CADPS2: variants seen among roughly 807,000 people sequenced by gnomAD.
The protein encoded by CADPS2 is calcium-dependent secretion activator 2.
In CADPS2, 93 loss-of-function variants were observed where a neutral mutation model predicts 172.5. The observed-to-expected ratio is 0.54, with a 90% confidence interval of 0.46 to 0.64. CADPS2 has a LOEUF of 0.64. Among genes scored for constraint, CADPS2 ranks in the 30% least tolerant of loss-of-function variants. The pLI is 0.00. For synonymous variants in CADPS2, 546 were observed against 555.2 expected (o/e 0.98, Z 0.23); for missense variants, 1,420 against 1,565.9 (o/e 0.91, Z 1.57).
chr7:122,702,396 C>T (rs767562946), intron 2 of CADPS2: 4 of 1,613,672 alleles, frequency 2.5e-6, no homozygotes, highest in Admixed American at 3.3e-5. Flanking sequence ...TTCTCTGCTG[C>T]CACGTTGATT....
At chr7:122,399,857 T>C in intron 20 of CADPS2, among the ~76,000 whole-genome samples, 1 of 150,464 alleles carries the variant, frequency 6.6e-6, no homozygotes, top group Non-Finnish European at 1.5e-5. Flanking sequence ...CGGCTAACTT[T>C]TTGTATTTTT....
chr7:122,566,714 T>C (rs1365713765), intron 7 of CADPS2, among the ~76,000 whole-genome samples: 3 of 152,212 alleles, frequency 2.0e-5, no homozygotes, highest in Admixed American at 6.5e-5. Context: ...ATCCAAATTG[T>C]ACATTATTCT....
intron 2 of CADPS2, among the ~76,000 whole-genome samples, chr7:122,723,469 C>G (rs1254633753): frequency 6.6e-6 from 1 of 152,118 alleles, no homozygotes; most frequent in Non-Finnish European, 1.5e-5. Context: ...AAATCAAAAC[C>G]ACAATGAGAT....
At chr7:122,336,302 C>T (rs2035842599) in intron 28 of CADPS2, among the ~76,000 whole-genome samples, 1 of 152,056 alleles carries the variant, frequency 6.6e-6, no homozygotes, top group South Asian at 2.1e-4. Context: ...TACAAAAGGC[C>T]AGCACAGAAA....
chr7:122,529,892 T>C (rs1586896298), intron 8 of CADPS2, among the ~76,000 whole-genome samples: 1 of 152,140 alleles, frequency 6.6e-6, no homozygotes, highest in South Asian at 2.1e-4. Context: ...ATAATGTTAA[T>C]AGATTAGAAT....
At chr7:122,586,374 G>C (rs2069691332) in intron 6 of CADPS2, among the ~76,000 whole-genome samples, 1 of 151,840 alleles carries the variant, frequency 6.6e-6, no homozygotes. Flanking sequence ...TCTTACAGTA[G>C]CTAGAGCACT....
At chr7:122,645,473 GTA>G (rs1243603349) in intron 3 of CADPS2, among the ~76,000 whole-genome samples, 7 of 63,840 alleles carry the variant, frequency 1.1e-4, no homozygotes, top group Non-Finnish European at 2.3e-4. Flanking sequence ...GTGTATATAT[GTA>G]TATATATTTA....
chr7:122,637,171 CTTTTTTTT>C (rs71161313), intron 3 of CADPS2, among the ~76,000 whole-genome samples: 19 of 53,894 alleles, frequency 3.5e-4, no homozygotes, highest in African/African-American at 1.0e-3. Flanking sequence ...TGAAATTTTG[CTTTTTTTT>C]TTTTTTTTTT....
intron 3 of CADPS2, among the ~76,000 whole-genome samples, chr7:122,651,628 G>C (rs2079154139): frequency 6.6e-6 from 1 of 152,098 alleles, no homozygotes; most frequent in South Asian, 2.1e-4. Context: ...CAGACATGAA[G>C]AATTTGAGTG....
chr7:122,623,287 A>G (rs919272333), intron 4 of CADPS2, among the ~76,000 whole-genome samples: 5 of 152,068 alleles, frequency 3.3e-5, no homozygotes, highest in African/African-American at 1.2e-4. Context: ...CAGTACAAGC[A>G]AAGAGAGGGG....
At chr7:122,669,241 A>G (rs1012927490) in intron 2 of CADPS2, among the ~76,000 whole-genome samples, 1 of 152,068 alleles carries the variant, frequency 6.6e-6, no homozygotes, top group Non-Finnish European at 1.5e-5. Context: ...TGAGGTGGGA[A>G]GATCGCTCAA....
chr7:122,816,249 ATTTTTTAGAT>A (rs55642101), intron 1 of CADPS2, among the ~76,000 whole-genome samples: 29,755 of 138,006 alleles, frequency 0.22, 3,033 homozygotes, highest in Middle Eastern at 0.35. Flanking sequence ...AGATCAATTT[ATTTTTTAGAT>A]TTTTTTAGCT....
chr7:122,851,836 G>A (rs1028527615), intron 1 of CADPS2, among the ~76,000 whole-genome samples: 3 of 152,218 alleles, frequency 2.0e-5, no homozygotes, highest in Admixed American at 1.3e-4. Context: ...ACAACACATG[G>A]GAATTATGGG....
chr7:122,345,471 C>T, intron 28 of CADPS2, 103 bp downstream of exon 28: 1 of 687,054 alleles, frequency 1.5e-6, no homozygotes, highest in South Asian at 1.9e-5. Flanking sequence ...GATACAGGAT[C>T]ACAAAAAGGA....
Position 122,566,215 on chromosome 7 carries a change from T to C in CADPS2, c.1336-11526A>G, listed in dbSNP as rs186643749. Among the ~76,000 whole-genome samples the C allele has an allele frequency of 3.2e-4, 48 of 152,154 alleles. 1 individual carries two copies. Among genetic ancestry groups the C allele is most frequent in the Admixed American group, 3.0e-3 (46 of 15,266 alleles). ...AAACCACCTCACACCTGAATGGCTA[T>C]TACCAACAAGATAAAAGATAAGAAT... On this transcript the variant is annotated intron_variant, in intron 7 of 29. Transcript: ENST00000449022.
chr7:122,576,543 A>C (rs540578266), intron 7 of CADPS2, among the ~76,000 whole-genome samples: 32 of 152,276 alleles, frequency 2.1e-4, no homozygotes, highest in Middle Eastern at 6.8e-3. Flanking sequence ...TGCATACATT[A>C]ATGTACATTC....
chr7:122,416,280 G>A, intron 17 of CADPS2, 116 bp from the exon 18 acceptor site: 9 of 429,408 alleles, frequency 2.1e-5, no homozygotes, highest in South Asian at 1.4e-4. Flanking sequence ...AAATACAAAT[G>A]AATACATTAT....
At chr7:122,503,540 T>G (rs1292881374) in intron 9 of CADPS2, among the ~76,000 whole-genome samples, 1 of 152,230 alleles carries the variant, frequency 6.6e-6, no homozygotes, top group African/African-American at 2.4e-5. Context: ...TTAATACTAA[T>G]ATGATTGCTC....
At chr7:122,450,079 G>A (rs2052853920) in intron 15 of CADPS2, among the ~76,000 whole-genome samples, 1 of 152,106 alleles carries the variant, frequency 6.6e-6, no homozygotes, top group East Asian at 1.9e-4. Context: ...GAATAATAAT[G>A]AGGCAATAAC....
Sources: allele counts gnomAD v4.1 joint callset (sites outside exome capture counted in the v4.1 genomes callset), GRCh38; gene constraint gnomAD v4.1.1; transcripts MANE v1.5; gene names NCBI Gene and HGNC (gene_info 2026-07-23, HGNC 2026-07-21).